Variants in CEP128 observed in about 807,000 individuals in gnomAD.
CEP128 encodes centrosomal protein 128.
CEP128 carries 132 observed loss-of-function variants against 156.7 expected under a neutral mutation model. The ratio of observed to expected loss-of-function variants is 0.84; its 90% CI spans 0.73 to 0.97. The LOEUF (loss-of-function observed/expected upper bound fraction) is 0.97, where lower values mean the gene tolerates loss of function less well. Ranked by LOEUF, CEP128 falls within the 50% of genes least tolerant of loss-of-function variation. The pLI is 0.00. For missense variants in CEP128, 1,252 were observed against 1,281.9 expected (o/e 0.98, Z 0.36); for synonymous variants, 469 against 448.9 (o/e 1.04, Z -0.57).
intron 19 of CEP128, among the ~76,000 whole-genome samples, chr14:80,707,373 C>T (rs903386841): frequency 1.3e-5 from 2 of 152,066 alleles, no homozygotes. Flanking sequence ...GCTAGAGCTG[C>T]CTGAGGAGGG....
chr14:80,789,374 G>C (rs931460860), intron 14 of CEP128, among the ~76,000 whole-genome samples: 41 of 152,124 alleles, frequency 2.7e-4, no homozygotes, highest in African/African-American at 9.7e-4. Context: ...AACAATTACA[G>C]ATGAAGATAA....
intron 2 of CEP128, among the ~76,000 whole-genome samples, chr14:80,938,483 G>A (rs1264954181): frequency 1.3e-5 from 2 of 151,914 alleles, no homozygotes; most frequent in Non-Finnish European, 2.9e-5. Flanking sequence ...TCCCGACCTC[G>A]TGATCTGCCT....
At chr14:80,860,164 G>A (rs10146123) in intron 9 of CEP128, among the ~76,000 whole-genome samples, 10,138 of 152,066 alleles carry the variant, frequency 0.067, 1,125 homozygotes, top group African/African-American at 0.23. Context: ...TGACCTTTCC[G>A]GAACAGTTTA....
At chr14:80,551,721 T>C (rs192940030) in intron 21 of CEP128, among the ~76,000 whole-genome samples, 105 of 152,316 alleles carry the variant, frequency 6.9e-4, no homozygotes, top group Non-Finnish European at 1.2e-3. Context: ...TTGATTATAG[T>C]AGAGTAGTGG....
chr14:80,752,355 GT>G (rs1899439535), intron 18 of CEP128, among the ~76,000 whole-genome samples: 1 of 152,094 alleles, frequency 6.6e-6, no homozygotes. Context: ...CTAAAAATAT[GT>G]AATTTTTTCA....
chr14:80,840,767 G>A lies in CEP128; in HGVS notation c.764C>T (p.Ala255Val). The A allele has an allele frequency of 2.5e-6, 4 of 1,600,022 alleles. No individual in the cohort carries two copies. Among genetic ancestry groups the A allele is most frequent in the East Asian group, 2.2e-5 (1 of 44,656 alleles). ...LGLMSLQLQE[A>V]LKKQEAKADE... is the part of the protein sequence containing the mutation. ...TGCTTTAGCTTCTTGTTTCTTTAGT[G>A]CCTGGAATGAAAGAGGTGGAAAAAA... The change falls in exon 10 of 25, where the codon GCA becomes GTA. Residue 255 changes from alanine (A) to valine (V), a missense_variant and splice_region_variant. Physicochemically the swap from Ala to Val is moderately conservative, Grantham distance 64. Transcript: ENST00000555265.
chr14:80,633,778 T>A (rs1305788708), intron 19 of CEP128, among the ~76,000 whole-genome samples: 1 of 152,150 alleles, frequency 6.6e-6, no homozygotes, highest in Non-Finnish European at 1.5e-5. Flanking sequence ...CAATAAATAA[T>A]TAAATAAATG....
rs375050230 is a variant in CEP128, at chr14:80,575,422, T to C, written c.2856+4952A>G. On this transcript the variant is annotated intron_variant, in intron 20 of 24. Transcript: ENST00000555265. ...TTTTTTTTCGATTTTTCATTATATT[T>C]AGCAGCTGGCCAAAGACATAATACT... 1.6e-4 allele frequency among the ~76,000 whole-genome samples: 24 copies of C among 152,268 alleles called. No individual in the cohort carries two copies. The South Asian group carries it at 4.6e-3, about 29-fold the overall frequency.
At chr14:80,570,350 T>C (rs1891087467) in intron 20 of CEP128, among the ~76,000 whole-genome samples, 1 of 152,124 alleles carries the variant, frequency 6.6e-6, no homozygotes, top group African/African-American at 2.4e-5. Context: ...GCTCCTGACC[T>C]GGGGATCCGC....
intron 20 of CEP128, among the ~76,000 whole-genome samples, chr14:80,562,380 A>G (rs1046625287): frequency 6.6e-6 from 1 of 152,188 alleles, no homozygotes; most frequent in African/African-American, 2.4e-5. Context: ...ACAATAGCTA[A>G]TAAGATACCA....
At chr14:80,786,785 A>G (rs1426241493) in intron 14 of CEP128, among the ~76,000 whole-genome samples, 1 of 152,148 alleles carries the variant, frequency 6.6e-6, no homozygotes, top group Admixed American at 6.6e-5. Flanking sequence ...TTAGGGTCTC[A>G]GGGAGGTGTT....
chr14:80,769,065 T>C (rs1180807530), intron 16 of CEP128, among the ~76,000 whole-genome samples: 1 of 152,226 alleles, frequency 6.6e-6, no homozygotes, highest in Non-Finnish European at 1.5e-5. Context: ...CCAATTTTGA[T>C]GCATTTCTAT....
intron 20 of CEP128, among the ~76,000 whole-genome samples, chr14:80,560,551 C>T (rs1448486839): frequency 6.6e-6 from 1 of 152,164 alleles, no homozygotes; most frequent in Admixed American, 6.6e-5. Flanking sequence ...ACTGTATACA[C>T]GGATGCAGGG....
Position 80,650,234 on chromosome 14 carries a change from T to C in CEP128, c.2807-69811A>G, listed in dbSNP as rs145455183. On this transcript the variant is annotated intron_variant, in intron 19 of 24. Transcript: ENST00000555265. ...TCTCTGTTTGTCTATTATTGGTGTA[T>C]AGGAATGCTTGTGCTTTTTGCAAAT... 7.6e-4 allele frequency among the ~76,000 whole-genome samples: 115 copies of C among 152,254 alleles called. 1 individual carries two copies. The highest frequency in any genetic ancestry group is 3.4e-3 in the Middle Eastern group (1 of 294).
At chr14:80,793,191 T>C in intron 13 of CEP128, 81 bp from the exon 14 acceptor site, 1 of 1,017,150 alleles carries the variant, frequency 9.8e-7, no homozygotes, top group Non-Finnish European at 1.5e-6. Flanking sequence ...CAAGAATCTC[T>C]AATGTCACTG....
intron 16 of CEP128, among the ~76,000 whole-genome samples, chr14:80,767,985 C>T (rs1038120633): frequency 6.6e-6 from 1 of 152,068 alleles, no homozygotes; most frequent in African/African-American, 2.4e-5. Context: ...TATCCCAGCC[C>T]CTACTAGACT....
At chr14:80,655,428 T>C (rs183975351) in intron 19 of CEP128, among the ~76,000 whole-genome samples, 3 of 152,340 alleles carry the variant, frequency 2.0e-5, no homozygotes, top group Non-Finnish European at 4.4e-5. Flanking sequence ...TCTCCACTAA[T>C]AGCCTAGCCA....
At chr14:80,897,340 T>C (rs1786825934) in intron 7 of CEP128, among the ~76,000 whole-genome samples, 1 of 152,184 alleles carries the variant, frequency 6.6e-6, no homozygotes, top group African/African-American at 2.4e-5. Context: ...ATCCTCCCTA[T>C]AGTTTCTCTC....
chr14:80,844,038 C>T (rs118094156), intron 9 of CEP128, among the ~76,000 whole-genome samples: 1,724 of 151,930 alleles, frequency 0.011, 23 homozygotes, highest in Non-Finnish European at 0.019. Context: ...CTTTGAATTT[C>T]TAAATTATGC....
Sources: gnomAD v4.1 joint callset for allele counts (sites outside exome capture counted in the v4.1 genomes callset) on GRCh38, gnomAD v4.1.1 for gene constraint, MANE v1.5 for transcripts, NCBI Gene and HGNC (gene_info 2026-07-23, HGNC 2026-07-21) for gene names.